Variants in GGH observed in about 807,000 individuals in gnomAD.
The protein encoded by GGH is gamma-glutamyl hydrolase.
A neutral mutation model predicts 39.2 loss-of-function variants in GGH; 18 were observed. The ratio of observed to expected loss-of-function variants is 0.46; its 90% confidence interval spans 0.32 to 0.68. GGH has a LOEUF of 0.68. GGH is among the 30% of genes least tolerant of loss of function. GGH has a pLI of 0.04. For synonymous variants in GGH, 147 were observed against 138.8 expected, an observed-to-expected ratio of 1.06 and a Z score of -0.42; for missense variants, 367 against 384.1, an observed-to-expected ratio of 0.96 and a Z score of 0.37.
chr8:63,024,278 GAAGA>G, intron 5 of GGH, 92 bp from the exon 6 acceptor site: 1 of 691,956 alleles, frequency 1.4e-6, no homozygotes, highest in Non-Finnish European at 2.5e-6. Context: ...AAGCCATTAT[GAAGA>G]CATAATCAAG....
Position 63,026,277 on chromosome 8 carries a change from T to TA in GGH, c.379dup (p.Tyr127LeufsTer12), listed in dbSNP as rs1563668580. Reference sequence around the variant, plus strand: ...AAGGCATGTGCCCCACACAGGAAAATAGTCTCCATCATCAAAACTCTTTGC... The same window carrying TA: ...AAGGCATGTGCCCCACACAGGAAAATAAGTCTCCATCATCAAAACTCTTTGC... On this transcript the variant is annotated frameshift_variant, in exon 5 of 9. Transcript: ENST00000260118. LOFTEE classifies it high-confidence loss of function. 6.2e-7 allele frequency: 1 copy of TA among 1,604,948 alleles called. No individual in the cohort carries two copies. Among genetic ancestry groups the TA allele is most frequent in the Non-Finnish European group, 8.5e-7 (1 of 1,176,426 alleles).
chr8:63,034,366 T>G (rs1007213798), intron 2 of GGH, among the ~76,000 whole-genome samples: 2 of 152,182 alleles, frequency 1.3e-5, no homozygotes, highest in African/African-American at 2.4e-5. Context: ...TGTGGTACAA[T>G]TCTCTAAATT....
intron 2 of GGH, 105 bp downstream of exon 2, chr8:63,035,551 C>G: frequency 6.9e-7 from 1 of 1,455,154 alleles, no homozygotes; most frequent in East Asian, 2.4e-5. Flanking sequence ...GTAGTCCACC[C>G]GCCTTGGCCT....
At chr8:63,028,895 T>C (rs537706410) in intron 3 of GGH, among the ~76,000 whole-genome samples, 1 of 152,156 alleles carries the variant, frequency 6.6e-6, no homozygotes, top group South Asian at 2.1e-4. Flanking sequence ...TTTCAAAAGG[T>C]CTATTTTTGA....
chr8:63,034,616 G>A (rs1804866316), intron 2 of GGH, among the ~76,000 whole-genome samples: 1 of 152,198 alleles, frequency 6.6e-6, no homozygotes, highest in South Asian at 2.1e-4. Context: ...AAAAATATGG[G>A]AAGAATTCAG....
At chr8:63,017,929 C>T (rs1804516734) in intron 7 of GGH, 1 of 244,152 alleles carries the variant, frequency 4.1e-6, no homozygotes, top group Middle Eastern at 1.4e-3. Flanking sequence ...GTCAGATGCA[C>T]ATTTTATTGG....
chr8:63,031,730 G>T (rs1445094552), intron 2 of GGH, among the ~76,000 whole-genome samples: 1 of 152,168 alleles, frequency 6.6e-6, no homozygotes, highest in Admixed American at 6.5e-5. Context: ...GAAGGAGTGT[G>T]CCATGTCACA....
In GGH at chr8:63,035,707, G is replaced by A. The variant is rs778696750; in HGVS notation, c.173C>T (p.Ala58Val). 1.8e-5 allele frequency: 29 copies of A among 1,612,676 alleles called. No individual in the cohort carries two copies. Among genetic ancestry groups the A allele is most frequent in the African/African-American group, 8.0e-5 (6 of 74,536 alleles). The change falls in exon 2 of 9, where the codon GCG becomes GTG. Residue 58 changes from alanine to valine, a missense_variant. By Grantham distance (64) the Ala-to-Val change is moderately conservative (BLOSUM62 0). Transcript: ENST00000260118. ...AGACTCCAAGTACTTTACATAGGACGCAGCAATATAGTATCTTCCATAGTT... is the reference window on the plus strand; with the variant it reads ...AGACTCCAAGTACTTTACATAGGACACAGCAATATAGTATCTTCCATAGTT... ...MKNYGRYYIA[A>V]SYVKYLESAG...
intron 5 of GGH, 31 bp downstream of exon 5, chr8:63,026,127 T>C (rs1804678644): frequency 2.6e-6 from 4 of 1,517,852 alleles, no homozygotes; most frequent in Non-Finnish European, 1.8e-6. Context: ...CCAGCAAATA[T>C]TTTTCAAAGG....
intron 3 of GGH, chr8:63,029,911 T>C (rs1804771416): frequency 3.4e-6 from 1 of 292,794 alleles, no homozygotes; most frequent in Non-Finnish European, 6.2e-6. Context: ...AGAACAAAGA[T>C]TAAGTCACAC....
rs767324259 is a variant in GGH at position 63,038,723 on chromosome 8, A to C, written c.46T>G (p.Cys16Gly). Residue 16 changes from cysteine (C) to glycine (G), a missense_variant, in exon 1 of 9, where the codon TGC becomes GGC. Cys to Gly is a radical substitution (Grantham distance 159, BLOSUM62 -3). Transcript: ENST00000260118. ...GACAGCTCGAGGCTCGCCGCCCCGCAGAGTAGCAGGCCCAGCACGCACAGC... is the reference window on the plus strand; with the variant it reads ...GACAGCTCGAGGCTCGCCGCCCCGCCGAGTAGCAGGCCCAGCACGCACAGC... The part of the protein sequence containing the change: ...CLLCVLGLLL[C>G]GAASLELSRP... 1.3e-6 allele frequency: 2 copies of C among 1,585,250 alleles called. No individual in the cohort carries two copies. The highest frequency in any genetic ancestry group is 1.7e-6 in the Non-Finnish European group (2 of 1,166,944).
At chr8:63,021,258 T>A (rs1165398467) in intron 7 of GGH, among the ~76,000 whole-genome samples, 1 of 152,252 alleles carries the variant, frequency 6.6e-6, no homozygotes, top group Non-Finnish European at 1.5e-5. Context: ...TGTATAGTAT[T>A]ACTTATCCTT....
At position 63,038,733 on chromosome 8, in the gene GGH, G is replaced by A. The variant is rs1177822626; in HGVS notation, c.36C>T (p.Gly12=). The change falls in exon 1 of 9, where the codon GGC becomes GGT. Residue 12 remains glycine (G), a synonymous_variant. Transcript: ENST00000260118. ...ASPGCLLCVL[G]LLLCGAASLE... ...GGCTCGCCGCCCCGCAGAGTAGCAG[G>A]CCCAGCACGCACAGCAGGCAGCCCG... 1 of 1,581,866 alleles carries A rather than the reference G, an allele frequency of 6.3e-7. No individual in the cohort carries two copies. Among genetic ancestry groups the A allele is most frequent in the South Asian group, 1.1e-5 (1 of 86,966 alleles).
At chr8:63,019,931 C>T (rs777179564) in intron 7 of GGH, among the ~76,000 whole-genome samples, 3 of 152,172 alleles carry the variant, frequency 2.0e-5, no homozygotes, top group Non-Finnish European at 4.4e-5. Flanking sequence ...CCGCATTTGA[C>T]GTGGTTCAAT....
rs753242560 is a variant in GGH, at chr8:63,015,348, C to T, written c.941G>A (p.Cys314Tyr). 7.2e-7 allele frequency: 1 copy of T among 1,395,196 alleles called. No homozygotes were observed. The highest frequency in any genetic ancestry group is 2.0e-5 in the Admixed American group (1 of 50,204). 86.4% of individuals were successfully genotyped at this position (1,395,196 alleles called of 1,614,324 possible). A position where few individuals can be genotyped will look rare whatever the true frequency, so the allele number is the denominator to read the frequency against. The change falls in exon 9 of 9, where the codon TGT becomes TAT. Residue 314 changes from cysteine to tyrosine, a missense_variant. Coordinates refer to ENST00000260118, the MANE Select transcript of GGH (RefSeq NM_003878.3). ...YTGNISSFQQ[C>Y]YIFD ...TGAAGACTTTCAATCAAATATGTAACATTGCTGAAATGAAGAAATATTTCC... is the reference window on the plus strand; with the variant it reads ...TGAAGACTTTCAATCAAATATGTAATATTGCTGAAATGAAGAAATATTTCC...
At chr8:63,025,247 G>C (rs1204996272) in intron 5 of GGH, 2 of 152,106 alleles carry the variant, frequency 1.3e-5, no homozygotes, top group African/African-American at 4.8e-5. Context: ...AATTATTTCA[G>C]GATGAAGACT....
intron 3 of GGH, chr8:63,028,580 G>A (rs3780127): frequency 0.079 from 11,963 of 152,114 alleles, 481 homozygotes; most frequent in South Asian, 0.17. Flanking sequence ...ATTAGAATAC[G>A]GCTCATTTTC....
At chr8:63,018,885 A>T (rs949495599) in intron 7 of GGH, among the ~76,000 whole-genome samples, 2 of 152,250 alleles carry the variant, frequency 1.3e-5, no homozygotes, top group Admixed American at 1.3e-4. Flanking sequence ...GTATTATGAA[A>T]AAAATTATGC....
At chr8:63,024,953 A>C (rs1245287523) in intron 5 of GGH, 1 of 152,226 alleles carries the variant, frequency 6.6e-6, no homozygotes, top group Non-Finnish European at 1.5e-5. Flanking sequence ...CAATGGAAGA[A>C]AGAGCTTTCA....
Sources: allele counts gnomAD v4.1 joint callset (sites outside exome capture counted in the v4.1 genomes callset), GRCh38; gene constraint gnomAD v4.1.1; transcripts MANE v1.5; gene names NCBI Gene and HGNC (gene_info 2026-07-23, HGNC 2026-07-21).